Variants in PTPRM observed in about 807,000 individuals in gnomAD.
The protein encoded by PTPRM is receptor-type tyrosine-protein phosphatase mu.
A neutral mutation model predicts 186.7 loss-of-function variants in PTPRM; 47 were observed. The ratio of observed to expected loss-of-function variants is 0.25; its 90% confidence interval spans 0.20 to 0.32. PTPRM has a LOEUF of 0.32. Among genes scored for constraint, PTPRM ranks in the 10% least tolerant of loss-of-function variants. The probability of loss-of-function intolerance (pLI) is 1.00; values close to 1 mark genes in which losing one functional copy is unlikely to be tolerated. For synonymous variants in PTPRM, 668 were observed against 674.9 expected (o/e 0.99, Z 0.16); for missense variants, 1,494 against 1,865.0 (o/e 0.80, Z 3.66).
chr18:8,404,858 A>G (rs959889437), intron 32 of PTPRM: 4 of 151,826 alleles, frequency 2.6e-5, no homozygotes, highest in Non-Finnish European at 5.9e-5. Flanking sequence ...TTCAGAGACC[A>G]CTCCCAGGCT....
chr18:8,243,849 TTGTTTTTTGA>T (rs1187192693), intron 14 of PTPRM, among the ~76,000 whole-genome samples, 199 bp from the exon 15 acceptor site: 1 of 152,196 alleles, frequency 6.6e-6, no homozygotes, highest in Non-Finnish European at 1.5e-5. Flanking sequence ...TTATTTTGTT[TTGTTTTTTGA>T]GGATAGACAG....
chr18:8,067,155 C>T (rs747887598), intron 7 of PTPRM, among the ~76,000 whole-genome samples: 1 of 152,008 alleles, frequency 6.6e-6, no homozygotes, highest in Non-Finnish European at 1.5e-5. Flanking sequence ...TTGATGAAAA[C>T]CTTAGGAAAA....
intron 32 of PTPRM, among the ~76,000 whole-genome samples, chr18:8,395,510 A>T (rs1286690307): frequency 6.6e-6 from 1 of 152,260 alleles, no homozygotes; most frequent in Admixed American, 6.5e-5. Flanking sequence ...GTAGTGACCA[A>T]TGACAACGAG....
At chr18:7,728,218 T>C (rs1317460020) in intron 1 of PTPRM, among the ~76,000 whole-genome samples, 1 of 152,248 alleles carries the variant, frequency 6.6e-6, no homozygotes, top group African/African-American at 2.4e-5. Flanking sequence ...TGTATAATGA[T>C]TTAAAATCCA....
chr18:8,023,446 A>G (rs749516731), intron 7 of PTPRM, among the ~76,000 whole-genome samples: 10 of 152,206 alleles, frequency 6.6e-5, no homozygotes, highest in Non-Finnish European at 1.5e-4. Flanking sequence ...TCTTATGTGT[A>G]TTTAACTTAG....
chr18:7,995,805 A>T (rs2083501883), intron 7 of PTPRM: 1 of 152,154 alleles, frequency 6.6e-6, no homozygotes, highest in Non-Finnish European at 1.5e-5. Context: ...ATTGTTGTGT[A>T]CTAAGAACAG....
intron 2 of PTPRM, among the ~76,000 whole-genome samples, chr18:7,809,930 G>A (rs1171766208): frequency 6.6e-6 from 1 of 152,202 alleles, no homozygotes; most frequent in Admixed American, 6.5e-5. Context: ...CTCTAGGTGT[G>A]TTCCTGTTTC....
chr18:8,209,587 C>T (rs1245154677), intron 14 of PTPRM, among the ~76,000 whole-genome samples: 2 of 151,884 alleles, frequency 1.3e-5, no homozygotes, highest in Non-Finnish European at 2.9e-5. Flanking sequence ...TTGTGTCCCC[C>T]CAAAAAGATG....
chr18:7,851,756 A>G (rs894760), intron 2 of PTPRM, among the ~76,000 whole-genome samples: 12,836 of 152,206 alleles, frequency 0.084, 604 homozygotes, highest in South Asian at 0.2. Flanking sequence ...CGTGCAGGGA[A>G]TAAGGAGCGG....
chr18:8,038,380 A>ATTT lies in PTPRM; in HGVS notation c.1133-31289_1133-31287dup, dbSNP rs10708528. Among the ~76,000 whole-genome samples, 197 of 124,374 alleles carry ATTT rather than the reference A, an allele frequency of 1.6e-3. 3 individuals carry two copies. Among genetic ancestry groups the ATTT allele is most frequent in the African/African-American group, 5.2e-3 (170 of 32,510 alleles). The allele number at this position is 124,374 out of a possible 152,430, so 81.6% of individuals were successfully genotyped here. Reference sequence around the variant, plus strand: ...TATTTTTTCCTCAATTAGCTTTTAGATTTTTTTTTTTTTTTTTTTGGTGTT... The same window carrying ATTT: ...TATTTTTTCCTCAATTAGCTTTTAGATTTTTTTTTTTTTTTTTTTTTTGGTGTT... On this transcript the variant is annotated intron_variant, in intron 7 of 32. Transcript: ENST00000580170.
intron 2 of PTPRM, among the ~76,000 whole-genome samples, chr18:7,787,157 G>C (rs932191740): frequency 6.6e-6 from 1 of 152,166 alleles, no homozygotes; most frequent in African/African-American, 2.4e-5. Context: ...CTCCACACTT[G>C]ATATTTCTCA....
At chr18:8,205,207 C>T (rs528080859) in intron 14 of PTPRM, among the ~76,000 whole-genome samples, 1 of 152,196 alleles carries the variant, frequency 6.6e-6, no homozygotes, top group African/African-American at 2.4e-5. Flanking sequence ...ACTATTCACT[C>T]AGTATGCAAA....
chr18:7,698,744 C>T (rs1041165217), intron 1 of PTPRM, among the ~76,000 whole-genome samples: 1 of 152,136 alleles, frequency 6.6e-6, no homozygotes, highest in Non-Finnish European at 1.5e-5. Context: ...GGTTTTTGCA[C>T]ATACTACTAA....
chr18:7,688,807 A>G (rs2039668763), intron 1 of PTPRM, among the ~76,000 whole-genome samples: 1 of 152,148 alleles, frequency 6.6e-6, no homozygotes, highest in Admixed American at 6.5e-5. Context: ...TGATTTTGTC[A>G]GCCAGGGAAG....
intron 4 of PTPRM, among the ~76,000 whole-genome samples, chr18:7,921,136 A>G (rs1966103277): frequency 6.6e-6 from 1 of 151,742 alleles, no homozygotes. Context: ...TATCTCTTTC[A>G]TGTTTTGGAA....
intron 1 of PTPRM, among the ~76,000 whole-genome samples, chr18:7,724,152 C>G (rs564018153): frequency 1.3e-5 from 2 of 152,078 alleles, no homozygotes; most frequent in African/African-American, 4.8e-5. Context: ...TCGTGTCTTG[C>G]ATATAGTTGT....
intron 1 of PTPRM, among the ~76,000 whole-genome samples, chr18:7,744,189 A>G (rs943098239): frequency 6.6e-6 from 1 of 152,216 alleles, no homozygotes; most frequent in Non-Finnish European, 1.5e-5. Flanking sequence ...CACGGTGTGA[A>G]GAAAACTGGA....
Position 8,406,220 on chromosome 18 carries a change from G to T in PTPRM, c.*58G>T. 1 of 1,511,600 alleles carries T rather than the reference G, an allele frequency of 6.6e-7. No homozygotes were observed. Among genetic ancestry groups the T allele is most frequent in the South Asian group, 1.2e-5 (1 of 85,896 alleles). 93.6% of individuals were successfully genotyped at this position (1,511,600 alleles called of 1,614,324 possible). ...ATACCACAAAGCCAAGACGTTCCAT[G>T]GTATTTGTGCAAAAGAGATGAAGAC... On this transcript the variant is annotated 3_prime_UTR_variant, in exon 33 of 33. Transcript: ENST00000580170.
chr18:7,926,290 T>C (rs890412466), intron 4 of PTPRM, among the ~76,000 whole-genome samples: 4 of 152,218 alleles, frequency 2.6e-5, no homozygotes, highest in Non-Finnish European at 4.4e-5. Context: ...TGCCGAGCTA[T>C]GATAATTTGC....
Sources: allele counts gnomAD v4.1 joint callset (sites outside exome capture counted in the v4.1 genomes callset), GRCh38; gene constraint gnomAD v4.1.1; transcripts MANE v1.5; gene names NCBI Gene and HGNC (gene_info 2026-07-23, HGNC 2026-07-21).